UTS2B: variants seen among roughly 807,000 people sequenced by gnomAD.
The protein encoded by UTS2B is urotensin-2B.
UTS2B carries 21 observed loss-of-function variants against 19.2 expected under a neutral mutation model. That is an observed-to-expected ratio of 1.09 (90% confidence interval 0.78 to 1.58). The LOEUF (loss-of-function observed/expected upper bound fraction) is 1.58. Among genes scored for constraint, UTS2B ranks in the 40% most tolerant of loss-of-function variants. The probability of loss-of-function intolerance (pLI) is 0.00; values close to 1 mark genes in which losing one functional copy is unlikely to be tolerated. For synonymous variants in UTS2B, 57 were observed against 50.2 expected (o/e 1.14, Z -0.58); for missense variants, 138 against 130.3 (o/e 1.06, Z -0.29).
the UTS2B span, among the ~76,000 whole-genome samples, chr3:191,342,072 G>C: frequency 6.6e-6 from 1 of 152,196 alleles, no homozygotes; most frequent in African/African-American, 2.4e-5. Flanking sequence ...TTTTTAGTCA[G>C]TGAACATGAC....
intron 4 of UTS2B, among the ~76,000 whole-genome samples, chr3:191,286,792 C>G (rs1170735671): frequency 1.3e-5 from 2 of 151,332 alleles, no homozygotes; most frequent in Admixed American, 6.6e-5. Context: ...GAAATAGAGA[C>G]TAGAAGAACA....
chr3:191,275,890 T>C (rs1401239964), intron 7 of UTS2B, among the ~76,000 whole-genome samples: 2 of 152,100 alleles, frequency 1.3e-5, no homozygotes, highest in Non-Finnish European at 2.9e-5. Flanking sequence ...GGTACATGAC[T>C]CAACAAAAGA....
chr3:191,282,294 G>T lies in UTS2B; in HGVS notation c.-105C>A. 1.4e-6 allele frequency: 1 copy of T among 732,132 alleles called. No individual in the cohort carries two copies. Among genetic ancestry groups the T allele is most frequent in the Non-Finnish European group, 2.3e-6 (1 of 443,190 alleles). The allele number at this position is 732,132 out of a possible 1,614,324, so 45.4% of individuals were successfully genotyped here. A position where few individuals can be genotyped will look rare whatever the true frequency, so the allele number is the denominator to read the frequency against. ...TAGAGCTTAGTTGCAAAAGGCAAGT[G>T]TGCCTCAGTTACGAATGATCTAGAT... is the stretch of plus-strand genomic sequence containing the variant. On this transcript the variant is annotated 5_prime_UTR_variant, in exon 5 of 9. Transcript: ENST00000340524.
At chr3:191,285,620 C>T (rs184019957) in intron 4 of UTS2B, among the ~76,000 whole-genome samples, 5 of 151,916 alleles carry the variant, frequency 3.3e-5, no homozygotes, top group African/African-American at 4.8e-5. Context: ...GTTCAAAGTG[C>T]GCCCGGCTCG....
intron 2 of UTS2B, among the ~76,000 whole-genome samples, chr3:191,320,155 G>T (rs564279339): frequency 1.1e-3 from 165 of 152,242 alleles, no homozygotes; most frequent in Non-Finnish European, 1.6e-3. Context: ...AAAAGAGTGG[G>T]CAAGATATGG....
At chr3:191,275,616 A>C (rs1403655439) in intron 7 of UTS2B, among the ~76,000 whole-genome samples, 2 of 151,868 alleles carry the variant, frequency 1.3e-5, no homozygotes, top group Non-Finnish European at 2.9e-5. Context: ...GGAGGTGGAG[A>C]CTGCAGTGAG....
intron 4 of UTS2B, among the ~76,000 whole-genome samples, chr3:191,289,447 TAAAA>T (rs1196956499): frequency 9.7e-4 from 140 of 144,666 alleles, no homozygotes; most frequent in African/African-American, 3.4e-3. Flanking sequence ...AATAAATAAA[TAAAA>T]AACAAACGAA....
intron 2 of UTS2B, among the ~76,000 whole-genome samples, chr3:191,317,120 G>GCATAGC (rs1717481539): frequency 1.3e-5 from 2 of 152,350 alleles, no homozygotes; most frequent in Admixed American, 6.5e-5. Context: ...GGGGGCTCGG[G>GCATAGC]CATAGCGGGC....
intron 2 of UTS2B, among the ~76,000 whole-genome samples, chr3:191,322,110 A>G (rs1717628664): frequency 6.6e-6 from 1 of 152,148 alleles, no homozygotes; most frequent in Non-Finnish European, 1.5e-5. Flanking sequence ...ATAATATATG[A>G]ACATTCATAT....
chr3:191,307,078 G>T (rs944692621), intron 3 of UTS2B, among the ~76,000 whole-genome samples: 7 of 152,184 alleles, frequency 4.6e-5, no homozygotes, highest in Non-Finnish European at 1.0e-4. Context: ...ACAAAAGAAA[G>T]GTTCATAGGC....
At chr3:191,309,032 T>C (rs1180587899) in intron 3 of UTS2B, among the ~76,000 whole-genome samples, 1 of 152,204 alleles carries the variant, frequency 6.6e-6, no homozygotes, top group African/African-American at 2.4e-5. Context: ...ATTTTAATAA[T>C]AGCATACCAA....
rs1179774919 is a variant in UTS2B, at chr3:191,329,738, G to C, written c.-665+676C>G. ...AGTCAAGGAAGGTAAGGGCCCCGGA[G>C]GGAGAGCGCGCGGGACCCTCCCCTC... On this transcript the variant is annotated intron_variant, in intron 1 of 8. Transcript: ENST00000340524. 9 of 1,607,170 alleles carry C rather than the reference G, an allele frequency of 5.6e-6. No individual in the cohort carries two copies. In the South Asian group the frequency reaches 1.0e-4, roughly 18 times the overall value.
intron 5 of UTS2B, among the ~76,000 whole-genome samples, chr3:191,280,958 TTG>T (rs1716369015): frequency 6.6e-6 from 1 of 152,140 alleles, no homozygotes; most frequent in Non-Finnish European, 1.5e-5. Context: ...ATTCCCAGGC[TTG>T]TATTTAGGTC....
chr3:191,345,545 G>T, the UTS2B span, among the ~76,000 whole-genome samples: 1 of 152,028 alleles, frequency 6.6e-6, no homozygotes, highest in Non-Finnish European at 1.5e-5. Flanking sequence ...TTACTCTGTG[G>T]TCGCTGATAA....
At chr3:191,283,989 A>G (rs549307342) in intron 4 of UTS2B, among the ~76,000 whole-genome samples, 12 of 152,174 alleles carry the variant, frequency 7.9e-5, no homozygotes, top group Non-Finnish European at 1.8e-4. Flanking sequence ...ATGTAGAGAG[A>G]ATATATAAAT....
intron 8 of UTS2B, among the ~76,000 whole-genome samples, chr3:191,273,075 G>C (rs771044974): frequency 2.0e-4 from 31 of 152,166 alleles, no homozygotes; most frequent in Non-Finnish European, 3.8e-4. Context: ...GGCTGAGGCA[G>C]GTGAATAGCT....
chr3:191,276,882 G>A, intron 6 of UTS2B, 38 bp from the exon 7 acceptor site: 1 of 1,590,016 alleles, frequency 6.3e-7, no homozygotes, highest in Non-Finnish European at 8.6e-7. Context: ...AACGTACATT[G>A]CAAGTAATAT....
intron 5 of UTS2B, among the ~76,000 whole-genome samples, chr3:191,280,773 A>G (rs1454200401): frequency 6.6e-6 from 1 of 152,136 alleles, no homozygotes; most frequent in Non-Finnish European, 1.5e-5. Flanking sequence ...ACCTAATCCT[A>G]ATTTTGCAAA....
At chr3:191,332,209 T>C (rs529062962), upstream of UTS2B, among the ~76,000 whole-genome samples, 45 of 152,342 alleles carry the variant, frequency 3.0e-4, no homozygotes, top group Admixed American at 2.5e-3. Context: ...TTTAAAAATC[T>C]TCTTTCCTAG....
Sources: allele counts gnomAD v4.1 joint callset (sites outside exome capture counted in the v4.1 genomes callset), GRCh38; gene constraint gnomAD v4.1.1; transcripts MANE v1.5; gene names NCBI Gene and HGNC (gene_info 2026-07-23, HGNC 2026-07-21).